Variants in RIC1 observed in about 807,000 individuals in gnomAD.
The protein encoded by RIC1 is guanine nucleotide exchange factor subunit RIC1.
In RIC1, 88 loss-of-function variants were observed where a neutral mutation model predicts 169.0. That is an observed-to-expected ratio of 0.52 (90% CI 0.44 to 0.62). The LOEUF is 0.62. Among genes scored for constraint, RIC1 ranks in the 20% least tolerant of loss-of-function variants. RIC1 has a pLI of 0.00. For missense variants in RIC1, 1,877 were observed against 1,725.5 expected, an observed-to-expected ratio of 1.09 and a Z score of -1.56; for synonymous variants, 790 against 601.5, an observed-to-expected ratio of 1.31 and a Z score of -4.59.
chr9:5,678,686 G>A (rs567078710), intron 2 of RIC1, among the ~76,000 whole-genome samples: 1 of 152,128 alleles, frequency 6.6e-6, no homozygotes, highest in African/African-American at 2.4e-5. Flanking sequence ...CCCACTTTTT[G>A]ATGGGGTTGT....
chr9:5,652,793 G>T (rs1030436231), intron 1 of RIC1, among the ~76,000 whole-genome samples: 1 of 152,012 alleles, frequency 6.6e-6, no homozygotes, highest in Non-Finnish European at 1.5e-5. Flanking sequence ...CAGATTAGAG[G>T]AAAAGATTTC....
intron 1 of RIC1, among the ~76,000 whole-genome samples, chr9:5,639,730 C>G (rs937050050): frequency 3.3e-5 from 5 of 152,054 alleles, no homozygotes; most frequent in South Asian, 4.1e-4. Context: ...TCTCTTTAGC[C>G]CTAATAATGT....
At chr9:5,667,808 A>G (rs1319996938) in intron 2 of RIC1, among the ~76,000 whole-genome samples, 1 of 152,070 alleles carries the variant, frequency 6.6e-6, no homozygotes, top group Non-Finnish European at 1.5e-5. Flanking sequence ...TGGGCCTGAG[A>G]TGTGCCTTTT....
chr9:5,736,782 G>C (rs574306752), intron 7 of RIC1, among the ~76,000 whole-genome samples: 27 of 152,114 alleles, frequency 1.8e-4, no homozygotes, highest in African/African-American at 5.3e-4. Context: ...TAATGAACTT[G>C]AAAAACAGAA....
intron 2 of RIC1, among the ~76,000 whole-genome samples, chr9:5,671,363 C>T (rs1820092509): frequency 6.6e-6 from 1 of 151,816 alleles, no homozygotes; most frequent in Admixed American, 6.6e-5. Context: ...CAACCTCCGC[C>T]TCCCAGGTTC....
At position 5,636,764 on chromosome 9, in the gene RIC1, A is replaced by C. The variant is rs117077273; in HGVS notation, c.144+7311A>C. ...TGGTGGTTTTTAGGTTTTTCTAAAT[A>C]TAAGATTATGTCATCTTCAGAGACA... On this transcript the variant is annotated intron_variant, in intron 1 of 25. Transcript: ENST00000414202. Among the ~76,000 whole-genome samples, 242 of 152,300 alleles carry C rather than the reference A, an allele frequency of 1.6e-3. 1 individual carries two copies. Among genetic ancestry groups the C allele is most frequent in the Non-Finnish European group, 1.8e-3 (122 of 68,030 alleles).
chr9:5,714,410 C>G (rs1313424960), intron 4 of RIC1, among the ~76,000 whole-genome samples: 4 of 151,992 alleles, frequency 2.6e-5, no homozygotes, highest in Non-Finnish European at 4.4e-5. Context: ...CTTTTTCATC[C>G]AAGTATGAAT....
chr9:5,704,763 T>A (rs939507865), intron 3 of RIC1, among the ~76,000 whole-genome samples: 1 of 152,198 alleles, frequency 6.6e-6, no homozygotes, highest in Non-Finnish European at 1.5e-5. Context: ...CATGACAATT[T>A]ACGCCTATAT....
chr9:5,663,628 G>A (rs970731872), intron 2 of RIC1, among the ~76,000 whole-genome samples: 7 of 152,064 alleles, frequency 4.6e-5, no homozygotes, highest in East Asian at 3.9e-4. Flanking sequence ...AACTAGGATC[G>A]CAGTCCGTGG....
At chr9:5,642,211 C>G (rs1405275327) in intron 1 of RIC1, among the ~76,000 whole-genome samples, 1 of 145,148 alleles carries the variant, frequency 6.9e-6, no homozygotes, top group Non-Finnish European at 1.5e-5. Flanking sequence ...GACTCTTGTT[C>G]TTTTCTGTTA....
chr9:5,639,783 G>A (rs1333125559), intron 1 of RIC1, among the ~76,000 whole-genome samples: 1 of 152,126 alleles, frequency 6.6e-6, no homozygotes, highest in Admixed American at 6.5e-5. Flanking sequence ...ATGTACATAT[G>A]ATTGTTATAT....
intron 3 of RIC1, among the ~76,000 whole-genome samples, chr9:5,698,040 A>G (rs868580948): frequency 4.6e-5 from 7 of 152,298 alleles, no homozygotes; most frequent in South Asian, 2.1e-4. Flanking sequence ...GAAAAACACT[A>G]TAATTAATTG....
rs914245950 is a variant in RIC1, at chr9:5,716,586, C to T, written c.440+2583C>T. 5.3e-5 allele frequency among the ~76,000 whole-genome samples: 8 copies of T among 152,112 alleles called. No homozygotes were observed. In the East Asian group the frequency reaches 1.3e-3, roughly 26 times the overall value. On this transcript the variant is annotated intron_variant, in intron 4 of 25. Coordinates refer to ENST00000414202, the MANE Select transcript of RIC1 (RefSeq NM_020829.4). ...TGAGATTGTGCCACTGCACTCCAGC[C>T]AGGGCAACAGAGACTGTGTCTCAAA...
intron 2 of RIC1, among the ~76,000 whole-genome samples, chr9:5,687,270 A>T (rs1729289788): frequency 6.6e-6 from 1 of 152,268 alleles, no homozygotes; most frequent in South Asian, 2.1e-4. Context: ...CTAAAACAAT[A>T]ACAAAAGAAC....
intron 2 of RIC1, among the ~76,000 whole-genome samples, chr9:5,663,568 A>C (rs1819582283): frequency 6.6e-6 from 1 of 151,568 alleles, no homozygotes; most frequent in Admixed American, 6.6e-5. Flanking sequence ...CCTTTATGTA[A>C]CGCCCTTTGC....
At chr9:5,767,005 A>G (rs930492050) in intron 21 of RIC1, among the ~76,000 whole-genome samples, 2 of 152,138 alleles carry the variant, frequency 1.3e-5, no homozygotes, top group Admixed American at 1.3e-4. Flanking sequence ...GCCAACATCT[A>G]CTGTTTTTTG....
In RIC1 at chr9:5,742,944, A is replaced by C; in HGVS notation, c.977A>C (p.Glu326Ala). 1 of 1,613,538 alleles carries C rather than the reference A, an allele frequency of 6.2e-7. No individual in the cohort carries two copies. Among genetic ancestry groups the C allele is most frequent in the Non-Finnish European group, 8.5e-7 (1 of 1,179,650 alleles). ...PDNSVVIVTW[E>A]YGGLSLWSVF... ...AATAGTGTTGTAATAGTGACCTGGG[A>C]ATACGGAGGCCTTTCTTTATGGAGT... The change falls in exon 9 of 26, where the codon GAA (glutamate) becomes GCA (alanine). Residue 326 changes from glutamate to alanine, a missense_variant. Around this residue, in one of 3 missense-constraint regions of RIC1, gnomAD observed 1,104 missense variants for 992.0 expected, o/e 1.11. Transcript: ENST00000414202.
At chr9:5,706,392 C>T (rs145240452) in intron 3 of RIC1, among the ~76,000 whole-genome samples, 46,371 of 152,004 alleles carry the variant, frequency 0.31, 8,328 homozygotes, top group East Asian at 0.62. Context: ...TCGGAGGTTG[C>T]GGTGAGCTGA....
At position 5,763,980 on chromosome 9, in the gene RIC1, TTC is replaced by T. The variant is rs1446671935; in HGVS notation, c.2841+114_2841+115del. The T allele has an allele frequency of 3.3e-6, 4 of 1,211,852 alleles. No individual in the cohort carries two copies. The highest frequency in any genetic ancestry group is 1.6e-5 in the South Asian group (1 of 64,296). 75.1% of individuals were successfully genotyped at this position (1,211,852 alleles called of 1,614,324 possible). Reference sequence around the variant, plus strand: ...TGTTTAAGGAATTCATAGTCAAATTTTCTGTTTATATCTTTAATTTGGAAGAA... The same window carrying T: ...TGTTTAAGGAATTCATAGTCAAATTTTGTTTATATCTTTAATTTGGAAGAA... On this transcript the variant is annotated intron_variant, in intron 19 of 25. Coordinates refer to ENST00000414202, the MANE Select transcript of RIC1 (RefSeq NM_020829.4). This position sits in a 1 kb window ranked among gnomAD's most constrained non-coding sequence, Gnocchi z 5.2.
Sources: allele counts gnomAD v4.1 joint callset (sites outside exome capture counted in the v4.1 genomes callset), GRCh38; gene constraint gnomAD v4.1.1; regional missense constraint gnomAD v4.1.1; non-coding constraint Gnocchi (gnomAD v3.1); transcripts MANE v1.5; gene names NCBI Gene and HGNC (gene_info 2026-07-23, HGNC 2026-07-21).